CYP3A5: variants seen among roughly 807,000 people sequenced by gnomAD.
The protein encoded by CYP3A5 is cytochrome P450 3A5.
In CYP3A5, 51 loss-of-function variants were observed where a neutral mutation model predicts 55.9. The ratio of observed to expected loss-of-function variants is 0.91; its 90% confidence interval spans 0.73 to 1.15. CYP3A5 has a LOEUF of 1.15. Among genes scored for constraint, CYP3A5 ranks in the 50% most tolerant of loss-of-function variants. The probability of loss-of-function intolerance (pLI) is 0.00; values close to 1 mark genes in which losing one functional copy is unlikely to be tolerated. For synonymous variants in CYP3A5, 196 were observed against 213.9 expected (o/e 0.92, Z 0.73); for missense variants, 533 against 596.6 (o/e 0.89, Z 1.11).
intron 8 of CYP3A5, 41 bp downstream of exon 8, chr7:99,663,927 C>T (rs1207008103): frequency 1.3e-6 from 2 of 1,549,674 alleles, no homozygotes; most frequent in Admixed American, 2.3e-5. Flanking sequence ...CTAAATTTAT[C>T]AAAACCTAAA....
Position 99,676,153 on chromosome 7 carries a change from G to A in CYP3A5, c.127C>T (p.Pro43Ser). The A allele has an allele frequency of 6.2e-7, 1 of 1,613,886 alleles. No individual in the cohort carries two copies. The highest frequency in any genetic ancestry group is 1.1e-5 in the South Asian group (1 of 91,078). Residue 43 changes from proline (P) to serine (S), a missense_variant, in exon 2 of 13, where the codon CCT becomes TCT. Transcript: ENST00000222982. ...FKRLGIPGPT[P>S]LPLLGNVLSY... ...AAAACATTTCCCAACAAAGGCAGAGGTGTGGGCCCTGGAATTCCCAGTCTC... is the reference window on the plus strand; with the variant it reads ...AAAACATTTCCCAACAAAGGCAGAGATGTGGGCCCTGGAATTCCCAGTCTC...
intron 10 of CYP3A5, chr7:99,660,213 CCTTTTTTTTTTT>C: frequency 1.5e-6 from 1 of 653,722 alleles, no homozygotes; most frequent in Non-Finnish European, 1.8e-6. Context: ...TCGCCACACT[CCTTTTTTTTTTT>C]TTTTTTTTTT....
At chr7:99,652,191 A>G (rs1809261461) in intron 11 of CYP3A5, 1 of 148,844 alleles carries the variant, frequency 6.7e-6, no homozygotes, top group South Asian at 2.1e-4. Flanking sequence ...ATATATACAT[A>G]TATATGTATA....
chr7:99,676,583 A>G (rs376242926), intron 1 of CYP3A5: 3 of 1,349,332 alleles, frequency 2.2e-6, no homozygotes, highest in African/African-American at 3.0e-5. Context: ...CATCCTAGGT[A>G]GAAAGAGTAA....
At chr7:99,672,904 A>G in intron 3 of CYP3A5, 3 of 1,352,054 alleles carry the variant, frequency 2.2e-6, no homozygotes, top group African/African-American at 1.5e-5. Flanking sequence ...TGGTCCAAAC[A>G]GGGAAGAGAT....
At chr7:99,668,846 C>T (rs1811297120) in intron 4 of CYP3A5, among the ~76,000 whole-genome samples, 1 of 152,178 alleles carries the variant, frequency 6.6e-6, no homozygotes, top group African/African-American at 2.4e-5. Context: ...ATCTTCTAAT[C>T]ACGGACAGTT....
chr7:99,672,121 G>A (rs1348881821), intron 4 of CYP3A5, among the ~76,000 whole-genome samples: 4 of 151,972 alleles, frequency 2.6e-5, no homozygotes, highest in African/African-American at 7.3e-5. Context: ...GCGTGATCTC[G>A]GCTCACTGCA....
chr7:99,656,145 C>G (rs1158893286), intron 10 of CYP3A5, among the ~76,000 whole-genome samples: 1 of 152,144 alleles, frequency 6.6e-6, no homozygotes, highest in Admixed American at 6.5e-5. Flanking sequence ...AGAGGGCATC[C>G]CTGTCTTGTG....
Position 99,665,354 on chromosome 7 carries a change from C to T in CYP3A5, c.522-40G>A, listed in dbSNP as rs771933568. On this transcript the variant is annotated intron_variant, in intron 6 of 12. Coordinates refer to ENST00000222982, the MANE Select transcript of CYP3A5 (RefSeq NM_000777.5). ...ATATGGAAAATTAAAATCAGCACCT[C>T]TTACCGTCCTTCCACTATACATGCA... 5 of 1,611,590 alleles carry T rather than the reference C, an allele frequency of 3.1e-6. No homozygotes were observed. In the South Asian group the frequency reaches 5.5e-5, roughly 18 times the overall value.
Position 99,677,248 on chromosome 7 carries a change from G to A in CYP3A5, c.72-1040C>T, listed in dbSNP as rs368008224. ...ACTGAGGGATGGAAAACTGGAGGAA[G>A]AAGAGAGGCTGAAGGAAGAGGTTGC... On this transcript the variant is annotated intron_variant, in intron 1 of 12. Coordinates refer to ENST00000222982, the MANE Select transcript of CYP3A5 (RefSeq NM_000777.5). 7 of 985,476 alleles carry A rather than the reference G, an allele frequency of 7.1e-6. 1 individual carries two copies. In the South Asian group the frequency reaches 1.9e-4, roughly 26 times the overall value. 61.0% of individuals were successfully genotyped at this position (985,476 alleles called of 1,614,324 possible). A position where few individuals can be genotyped will look rare whatever the true frequency, so the allele number is the denominator to read the frequency against.
At chr7:99,675,974 C>T (rs893505094) in intron 2 of CYP3A5, 141 bp downstream of exon 2, 1 of 681,488 alleles carries the variant, frequency 1.5e-6, no homozygotes, top group Admixed American at 2.6e-5. Context: ...AGATTACAGG[C>T]ATGATCCACT....
intron 6 of CYP3A5, among the ~76,000 whole-genome samples, chr7:99,666,021 G>A (rs2151422967): frequency 1.3e-5 from 2 of 152,334 alleles, no homozygotes; most frequent in Middle Eastern, 6.8e-3. Flanking sequence ...GATTACACCT[G>A]TCGTTCCTGC....
chr7:99,652,769 G>T lies in CYP3A5; in HGVS notation c.1037C>A (p.Thr346Asn). ...DAVLPNKAPP[T>N]YDAVVQMEYL... ...CTCCATCTGTACCACGGCATCATAG[G>T]TAGGTGGTGCCTGGAAGGAAAGAAA... Residue 346 changes from threonine (T) to asparagine (N), a missense_variant, in exon 11 of 13, where the codon ACC (threonine) becomes AAC (asparagine). Thr to Asn is a moderately conservative substitution (Grantham distance 65, BLOSUM62 0). Coordinates refer to ENST00000222982, the MANE Select transcript of CYP3A5 (RefSeq NM_000777.5). The T allele has an allele frequency of 1.9e-6, 3 of 1,612,352 alleles. No individual in the cohort carries two copies. Among genetic ancestry groups the T allele is most frequent in the Non-Finnish European group, 2.5e-6 (3 of 1,179,438 alleles).
In CYP3A5 at chr7:99,662,774, T is replaced by C; in HGVS notation, c.865+42A>G. 1 of 1,572,346 alleles carries C rather than the reference T, an allele frequency of 6.4e-7. No homozygotes were observed. The highest frequency in any genetic ancestry group is 1.4e-5 in the African/African-American group (1 of 74,020). On this transcript the variant is annotated intron_variant, in intron 9 of 12. Transcript: ENST00000222982. The surrounding 1 kb of genome is among the most constrained non-coding windows in gnomAD (Gnocchi z 4.3). ...ATTTTCAGAACAAGGCCCTCCCTCT[T>C]AGTGTCCCCGCCAGTAGCCCTCAGA...
chr7:99,664,933 T>G (rs1171870805), intron 7 of CYP3A5, among the ~76,000 whole-genome samples: 1 of 152,176 alleles, frequency 6.6e-6, no homozygotes, highest in Admixed American at 6.5e-5. Context: ...AAGTTGATTA[T>G]TGGATGCTTA....
chr7:99,665,080 A>T, intron 7 of CYP3A5, 86 bp downstream of exon 7: 1 of 1,155,120 alleles, frequency 8.7e-7, no homozygotes. Context: ...TGTACCTTTT[A>T]AGTGGATGAA....
At chr7:99,648,892 A>G (rs1309099566) in intron 12 of CYP3A5, among the ~76,000 whole-genome samples, 1 of 152,198 alleles carries the variant, frequency 6.6e-6, no homozygotes, top group Non-Finnish European at 1.5e-5. Context: ...ATCAAGTGCA[A>G]TGATGGGAAA....
At chr7:99,675,670 T>A (rs1283212997) in intron 2 of CYP3A5, among the ~76,000 whole-genome samples, 9 of 11,062 alleles carry the variant, frequency 8.1e-4, no homozygotes, top group African/African-American at 1.3e-3. Context: ...TCCCCTCCCC[T>A]CTCCTTCCTC....
At chr7:99,670,622 T>C (rs892112457) in intron 4 of CYP3A5, among the ~76,000 whole-genome samples, 2 of 152,228 alleles carry the variant, frequency 1.3e-5, no homozygotes, top group Admixed American at 6.5e-5. Context: ...TATAGAAAAA[T>C]TTGATTTTGC....
Sources: gnomAD v4.1 joint callset for allele counts (sites outside exome capture counted in the v4.1 genomes callset) on GRCh38, gnomAD v4.1.1 for gene constraint, Gnocchi (gnomAD v3.1) non-coding constraint, MANE v1.5 for transcripts, NCBI Gene and HGNC (gene_info 2026-07-23, HGNC 2026-07-21) for gene names.